LRP1: variants seen among roughly 807,000 people sequenced by gnomAD.
The protein encoded by LRP1 is prolow-density lipoprotein receptor-related protein 1.
A neutral mutation model predicts 541.5 loss-of-function variants in LRP1; 51 were observed. The observed-to-expected ratio is 0.09, with a 90% CI of 0.08 to 0.12. The LOEUF (loss-of-function observed/expected upper bound fraction) is 0.12. Among genes scored for constraint, LRP1 ranks in the 10% least tolerant of loss-of-function variants. The probability of loss-of-function intolerance (pLI) is 1.00; values close to 1 mark genes in which losing one functional copy is unlikely to be tolerated. For synonymous variants in LRP1, 2,219 were observed against 2,470.8 expected (o/e 0.90, Z 3.02); for missense variants, 3,878 against 6,376.2 (o/e 0.61, Z 13.34).
At position 57,183,269 on chromosome 12, in the gene LRP1, G is replaced by C; in HGVS notation, c.5663-110G>C. The C allele has an allele frequency of 3.3e-6, 4 of 1,212,836 alleles. No individual in the cohort carries two copies. In the South Asian group the frequency reaches 4.2e-5, roughly 13 times the overall value. The allele number at this position is 1,212,836 out of a possible 1,614,324, so 75.1% of individuals were successfully genotyped here. ...TGCTGGGTGGAGGATAGGGATGATG[G>C]TGGGGGGGGATGATATCAAAGGAGA... On this transcript the variant is annotated intron_variant, in intron 34 of 88. Transcript: ENST00000243077. This position sits in a 1 kb window ranked among gnomAD's most constrained non-coding sequence, Gnocchi z 6.1.
intron 67 of LRP1, 151 bp from the exon 68 acceptor site, chr12:57,202,270 C>G: frequency 1.4e-6 from 1 of 710,808 alleles, no homozygotes; most frequent in South Asian, 1.6e-5. Flanking sequence ...ATAGACCCCA[C>G]GTCTCAAAAC....
chr12:57,200,143 C>A, intron 62 of LRP1, 118 bp downstream of exon 62: 1 of 857,562 alleles, frequency 1.2e-6, no homozygotes. Context: ...CCCACACTAA[C>A]ACCCCCACAT....
At position 57,185,651 on chromosome 12, in the gene LRP1, G is replaced by A. The variant is rs140777307; in HGVS notation, c.6584G>A (p.Arg2195His). The A allele has an allele frequency of 3.0e-5, 48 of 1,613,058 alleles. No individual in the cohort carries two copies. The Middle Eastern group carries it at 4.9e-4, about 17-fold the overall frequency. ...GMLAEDGASC[R>H]EYAGYLLYSE... ...CTGGCTGAAGACGGAGCATCGTGCC[G>A]CGAGTATGCCGGCTACCTGCTCTAC... Residue 2195 changes from arginine (R) to histidine (H), a missense_variant, in exon 41 of 89, where the codon CGC (arginine) becomes CAC (histidine). Arg to His is a conservative substitution (Grantham distance 29). Coordinates refer to ENST00000243077, the MANE Select transcript of LRP1 (RefSeq NM_002332.3). The surrounding 1 kb of genome is among the most constrained non-coding windows in gnomAD (Gnocchi z 4.9).
In LRP1 at chr12:57,185,053, C is replaced by T. The variant is rs1323089944; in HGVS notation, c.6339-28C>T. 4 of 1,613,964 alleles carry T rather than the reference C, an allele frequency of 2.5e-6. No homozygotes were observed. Among genetic ancestry groups the T allele is most frequent in the Non-Finnish European group, 3.4e-6 (4 of 1,179,970 alleles). ...TCCTTCCCTCCTGCCTCCACTGATG[C>T]CCTGCTTGTGCCCTGTCCTTCCCTC... On this transcript the variant is annotated intron_variant, in intron 39 of 88. Transcript: ENST00000243077. The surrounding 1 kb of genome is among the most constrained non-coding windows in gnomAD (Gnocchi z 4.9).
chr12:57,183,975 G>C lies in LRP1; in HGVS notation c.5929+66G>C. 6.2e-7 allele frequency: 1 copy of C among 1,608,098 alleles called. No individual in the cohort carries two copies. The highest frequency in any genetic ancestry group is 8.5e-7 in the Non-Finnish European group (1 of 1,176,218). ...AGGACTGGGGGACGAAGTGAGAGGA[G>C]GAGTTGGCGGGAGCAGGAAGAGGAG... On this transcript the variant is annotated intron_variant, in intron 36 of 88. Transcript: ENST00000243077. This position sits in a 1 kb window ranked among gnomAD's most constrained non-coding sequence, Gnocchi z 6.1.
rs772087602 is a variant in LRP1, at chr12:57,158,377, G to A, written c.1562-25G>A. ...ATGATGGTCATGTGTGTGTCTGACT[G>A]TACCCTGGCTTGTGCCTGCTCTAGA... On this transcript the variant is annotated intron_variant, in intron 10 of 88. Coordinates refer to ENST00000243077, the MANE Select transcript of LRP1 (RefSeq NM_002332.3). The surrounding 1 kb of genome is among the most constrained non-coding windows in gnomAD (Gnocchi z 5.3). The A allele has an allele frequency of 9.4e-5, 147 of 1,569,146 alleles. No individual in the cohort carries two copies. Among genetic ancestry groups the A allele is most frequent in the Non-Finnish European group, 1.2e-4 (142 of 1,149,080 alleles).
rs375847370 is a variant in LRP1 at position 57,190,856 on chromosome 12, G to C, written c.7083G>C (p.Ala2361=). Residue 2361 remains alanine, a synonymous_variant, in exon 43 of 89, where the codon GCG becomes GCC. Coordinates refer to ENST00000243077, the MANE Select transcript of LRP1 (RefSeq NM_002332.3). ...AGCAGCATCCCAGCATCATGCGGGCGGCGCTCTCGGGAGCCAATGTCCTGA... is the reference window on the plus strand; with the variant it reads ...AGCAGCATCCCAGCATCATGCGGGCCGCGCTCTCGGGAGCCAATGTCCTGA... The part of the protein sequence containing the change: ...WNEQHPSIMR[A]ALSGANVLTL... 5 of 1,613,882 alleles carry C rather than the reference G, an allele frequency of 3.1e-6. No individual in the cohort carries two copies. The African/African-American group carries it at 6.7e-5, about 22-fold the overall frequency.
Position 57,197,074 on chromosome 12 carries a change from C to T in LRP1, c.8985C>T (p.Arg2995=). ...ECSTTFPCSQ[R]CINTHGSYKC... is the part of the protein sequence containing the mutation. ...GCACCACCTTCCCCTGCAGCCAGCG[C>T]TGCATCAACACTCATGGCAGCTATA... Residue 2995 remains arginine, a synonymous_variant, in exon 56 of 89, where the codon CGC becomes CGT. Coordinates refer to ENST00000243077, the MANE Select transcript of LRP1 (RefSeq NM_002332.3). The surrounding 1 kb of genome is among the most constrained non-coding windows in gnomAD (Gnocchi z 4.5). 4.3e-6 allele frequency: 7 copies of T among 1,614,136 alleles called. No individual in the cohort carries two copies. Among genetic ancestry groups the T allele is most frequent in the Non-Finnish European group, 5.9e-6 (7 of 1,180,016 alleles).
chr12:57,184,185 C>A lies in LRP1; in HGVS notation c.6030C>A (p.Pro2010=). 11 of 1,614,122 alleles carry A rather than the reference C, an allele frequency of 6.8e-6. No individual in the cohort carries two copies. The highest frequency in any genetic ancestry group is 9.3e-6 in the Non-Finnish European group (11 of 1,179,990). ...TGATCTCCCAGGGTCTAGACAAGCC[C>A]CGGGCCATCACCGTCCACCCGGAGA... ...YVVISQGLDK[P]RAITVHPEKG... Residue 2010 remains proline, a synonymous_variant, in exon 37 of 89, where the codon CCC becomes CCA. Coordinates refer to ENST00000243077, the MANE Select transcript of LRP1 (RefSeq NM_002332.3). The surrounding 1 kb of genome is among the most constrained non-coding windows in gnomAD (Gnocchi z 7.8).
Position 57,201,408 on chromosome 12 carries a change from G to T in LRP1, c.10346-89G>T, listed in dbSNP as rs36063890. On this transcript the variant is annotated intron_variant, in intron 65 of 88. Transcript: ENST00000243077. This position sits in a 1 kb window ranked among gnomAD's most constrained non-coding sequence, Gnocchi z 6.4. ...CGAAGAAGTTGCTGGCAGGACCAAG[G>T]CCAGGGCTTGGAAGAGAGAGAAGAC... 858 of 1,528,236 alleles carry T rather than the reference G, an allele frequency of 5.6e-4. 6 individuals carry two copies. In the African/African-American group the frequency reaches 0.011, roughly 19 times the overall value. 94.7% of individuals were successfully genotyped at this position (1,528,236 alleles called of 1,614,324 possible).
Position 57,184,535 on chromosome 12 carries a change from G to A in LRP1, c.6186+83G>A. 6.4e-7 allele frequency: 1 copy of A among 1,568,554 alleles called. No homozygotes were observed. Among genetic ancestry groups the A allele is most frequent in the Non-Finnish European group, 8.7e-7 (1 of 1,155,548 alleles). On this transcript the variant is annotated intron_variant, in intron 38 of 88. Transcript: ENST00000243077. The surrounding 1 kb of genome is among the most constrained non-coding windows in gnomAD (Gnocchi z 7.8). The stretch of plus-strand genomic sequence containing the variant: ...TCCCTGTGATGAGCCCATTCTGGGA[G>A]GACTTGGAGCCCAGGGGAAGTCACA...
In LRP1 at chr12:57,180,580, G is replaced by A. The variant is rs575397658; in HGVS notation, c.5387-87G>A. The A allele has an allele frequency of 1.3e-4, 209 of 1,606,886 alleles. 3 individuals carry two copies. In the South Asian group the frequency reaches 1.4e-3, roughly 11 times the overall value. On this transcript the variant is annotated intron_variant, in intron 32 of 88. Coordinates refer to ENST00000243077, the MANE Select transcript of LRP1 (RefSeq NM_002332.3). Reference sequence around the variant, plus strand: ...GGGGCAGTCTCTCACCATGTGGGGCGGGCCTGATGACTTAGGGCCAATGGG... The same window carrying A: ...GGGGCAGTCTCTCACCATGTGGGGCAGGCCTGATGACTTAGGGCCAATGGG...
Position 57,196,230 on chromosome 12 carries a change from C to T in LRP1, c.8845C>T (p.Leu2949Phe), listed in dbSNP as rs1181638394. ...CHINECLSRK[L>F]SGCSQDCEDL... ...CATCAATGAGTGTCTCAGCCGCAAGCTCAGTGGCTGCAGCCAGGACTGTGA... is the reference window on the plus strand; with the variant it reads ...CATCAATGAGTGTCTCAGCCGCAAGTTCAGTGGCTGCAGCCAGGACTGTGA... Residue 2949 changes from leucine to phenylalanine, a missense_variant, in exon 55 of 89, where the codon CTC (leucine) becomes TTC (phenylalanine). Physicochemically the swap from Leu to Phe is conservative, Grantham distance 22. This residue lies in a region of LRP1 where 1,100 missense variants were observed against 1,827.4 expected (regional missense o/e 0.60). Coordinates refer to ENST00000243077, the MANE Select transcript of LRP1 (RefSeq NM_002332.3). 1 of 1,610,550 alleles carries T rather than the reference C, an allele frequency of 6.2e-7. No homozygotes were observed. Among genetic ancestry groups the T allele is most frequent in the Non-Finnish European group, 8.5e-7 (1 of 1,178,030 alleles).
rs34714459 is a variant in LRP1, at chr12:57,162,437, G to C, written c.2323G>C (p.Ala775Pro). ...CCGCTTGGAACGGGGTGTAGGAGGCGCACCCCCCACTGTGACCCTTCTGCG... is the reference window on the plus strand; with the variant it reads ...CCGCTTGGAACGGGGTGTAGGAGGCCCACCCCCCACTGTGACCCTTCTGCG... ...VYRLERGVGG[A>P]PPTVTLLRSE... is the part of the protein sequence containing the mutation. The change falls in exon 14 of 89, where the codon GCA (alanine) becomes CCA (proline). Residue 775 changes from alanine (A) to proline (P), a missense_variant. Around this residue, in one of 13 missense-constraint regions of LRP1, gnomAD observed 496 missense variants for 861.0 expected, o/e 0.58. Transcript: ENST00000243077. The surrounding 1 kb of genome is among the most constrained non-coding windows in gnomAD (Gnocchi z 5.2). 2.3e-3 allele frequency: 3,785 copies of C among 1,614,022 alleles called. 22 individuals are homozygous for C. The highest frequency in any genetic ancestry group is 1.9e-3 in the Admixed American group (117 of 60,026).
At chr12:57,151,708 T>C (rs2035528078) in intron 6 of LRP1, among the ~76,000 whole-genome samples, 1 of 152,208 alleles carries the variant, frequency 6.6e-6, no homozygotes, top group African/African-American at 2.4e-5. Flanking sequence ...GCAAGGTTCC[T>C]CCTCTCCCTT....
Position 57,167,006 on chromosome 12 carries a change from T to C in LRP1, c.2874T>C (p.Asp958=). Residue 958 remains aspartate (D), a synonymous_variant, in exon 18 of 89, where the codon GAT becomes GAC. Transcript: ENST00000243077. The part of the protein sequence containing the change: ...CIPISWTCDL[D]DDCGDRSDES... ...CCATCTCCTGGACGTGTGATCTGGA[T>C]GACGACTGTGGGGACCGCTCTGATG... 6.2e-7 allele frequency: 1 copy of C among 1,614,124 alleles called. No homozygotes were observed. The highest frequency in any genetic ancestry group is 1.1e-5 in the South Asian group (1 of 91,072).
At chr12:57,152,132 G>A (rs371218538) in intron 6 of LRP1, among the ~76,000 whole-genome samples, 3 of 152,094 alleles carry the variant, frequency 2.0e-5, no homozygotes, top group Non-Finnish European at 4.4e-5. Flanking sequence ...CCTGAGGCTG[G>A]GGGGGCTGAT....
rs767084835 is a variant in LRP1, at chr12:57,212,581, A to G, written c.*26A>G. ...GGCCCTGCCCCGTCGGACTGCCCCC[A>G]GAAAGCCTCCTGCCCCCTGCCAGTG... is the stretch of plus-strand genomic sequence containing the variant. On this transcript the variant is annotated 3_prime_UTR_variant, in exon 89 of 89. Transcript: ENST00000243077. This position sits in a 1 kb window ranked among gnomAD's most constrained non-coding sequence, Gnocchi z 5.0. The G allele has an allele frequency of 6.4e-7, 1 of 1,553,690 alleles. No individual in the cohort carries two copies. Among genetic ancestry groups the G allele is most frequent in the Non-Finnish European group, 8.7e-7 (1 of 1,149,092 alleles).
rs765554205 is a variant in LRP1, at chr12:57,197,026, G to A, written c.8937G>A (p.Thr2979=). The change falls in exon 56 of 89, where the codon ACG becomes ACA. Residue 2979 remains threonine, a synonymous_variant. Coordinates refer to ENST00000243077, the MANE Select transcript of LRP1 (RefSeq NM_002332.3). The surrounding 1 kb of genome is among the most constrained non-coding windows in gnomAD (Gnocchi z 4.5). ...TCCGGCTGAAGGACGACGGCCGGAC[G>A]TGTGCTGATGTGGACGAGTGCAGCA... ...PGFRLKDDGR[T]CADVDECSTT... 18 of 1,613,682 alleles carry A rather than the reference G, an allele frequency of 1.1e-5. No individual in the cohort carries two copies. The highest frequency in any genetic ancestry group is 4.0e-5 in the African/African-American group (3 of 74,926).
Sources: gnomAD v4.1 joint callset for allele counts (sites outside exome capture counted in the v4.1 genomes callset) on GRCh38, gnomAD v4.1.1 for gene constraint, gnomAD v4.1.1 regional missense constraint, Gnocchi (gnomAD v3.1) non-coding constraint, MANE v1.5 for transcripts, NCBI Gene and HGNC (gene_info 2026-07-23, HGNC 2026-07-21) for gene names.